ADGRA3: variants seen among roughly 807,000 people sequenced by gnomAD.
The protein encoded by ADGRA3 is adhesion G protein-coupled receptor A3, also known as G-protein coupled receptor 125.
ADGRA3 carries 56 observed loss-of-function variants against 119.8 expected under a neutral mutation model. That is an observed-to-expected ratio of 0.47 (90% CI 0.38 to 0.58). The LOEUF (loss-of-function observed/expected upper bound fraction) is 0.58, where lower values mean the gene tolerates loss of function less well. Ranked by LOEUF, ADGRA3 falls within the 20% of genes least tolerant of loss-of-function variation. ADGRA3 has a pLI of 0.00. For synonymous variants in ADGRA3, 607 were observed against 623.8 expected, an observed-to-expected ratio of 0.97 and a Z score of 0.40; for missense variants, 1,516 against 1,649.0, an observed-to-expected ratio of 0.92 and a Z score of 1.40.
In ADGRA3 at chr4:22,461,788, A is replaced by C. The variant is rs1404795712; in HGVS notation, c.350T>G (p.Ile117Ser). The C allele has an allele frequency of 5.6e-6, 9 of 1,606,972 alleles. No individual in the cohort carries two copies. Among genetic ancestry groups the C allele is most frequent in the African/African-American group, 1.3e-5 (1 of 74,734 alleles). Residue 117 changes from isoleucine to serine, a missense_variant, in exon 3 of 19, where the codon ATT (isoleucine) becomes AGT (serine). Ile to Ser is a moderately radical substitution (Grantham distance 142). Around this residue, in one of 2 missense-constraint regions of ADGRA3, gnomAD observed 428 missense variants for 541.9 expected, o/e 0.79. Transcript: ENST00000334304. The part of the protein sequence containing the change: ...LERLDLRNNL[I>S]SSIDPGAFWG... Reference sequence around the variant, plus strand: ...GAAGGCACCTGGATCTATACTACTAATAAGATTGTTTCGGAGGTCCCTGTT... The same window carrying C: ...GAAGGCACCTGGATCTATACTACTACTAAGATTGTTTCGGAGGTCCCTGTT...
intron 1 of ADGRA3, among the ~76,000 whole-genome samples, chr4:22,485,542 CCT>C (rs1718408163): frequency 6.6e-6 from 1 of 152,146 alleles, no homozygotes; most frequent in Admixed American, 6.5e-5. Context: ...GGTTTGGTGG[CCT>C]CTCATTCTGT....
intron 1 of ADGRA3, among the ~76,000 whole-genome samples, chr4:22,503,502 C>G (rs543653745): frequency 6.6e-6 from 1 of 152,330 alleles, no homozygotes; most frequent in East Asian, 1.9e-4. Flanking sequence ...AGTTATATCT[C>G]CATACTTGCT....
At chr4:22,473,873 C>G (rs745552052) in intron 1 of ADGRA3, 30 bp from the exon 2 acceptor site, 1 of 1,349,896 alleles carries the variant, frequency 7.4e-7, no homozygotes, top group South Asian at 1.2e-5. Flanking sequence ...TAATAAGTTG[C>G]CTAATATACA....
Position 22,473,862 on chromosome 4 carries a change from AT to A in ADGRA3, c.258-20del, listed in dbSNP as rs758456146. On this transcript the variant is annotated intron_variant, in intron 1 of 18. Coordinates refer to ENST00000334304, the MANE Select transcript of ADGRA3 (RefSeq NM_145290.4). ...CAGAATCCTAAAAAATACCAAAAAA[AT>A]AATAAGTTGCCTAATATACACTACC... is the stretch of plus-strand genomic sequence containing the variant. The A allele has an allele frequency of 5.7e-5, 86 of 1,513,278 alleles. No homozygotes were observed. Among genetic ancestry groups the A allele is most frequent in the Non-Finnish European group, 7.5e-5 (82 of 1,094,402 alleles). The allele number at this position is 1,513,278 out of a possible 1,614,324, so 93.7% of individuals were successfully genotyped here. A position where few individuals can be genotyped will look rare whatever the true frequency, so the allele number is the denominator to read the frequency against.
chr4:22,471,245 A>AG (rs1717849663), intron 2 of ADGRA3, among the ~76,000 whole-genome samples: 1 of 152,002 alleles, frequency 6.6e-6, no homozygotes. Context: ...CCCACTTATA[A>AG]GGGGGAGCTA....
chr4:22,412,729 A>C (rs983475841), intron 14 of ADGRA3, among the ~76,000 whole-genome samples: 24 of 152,216 alleles, frequency 1.6e-4, no homozygotes, highest in African/African-American at 5.8e-4. Flanking sequence ...ACAAAAATGA[A>C]ATTATCATGA....
At chr4:22,406,703 C>T (rs1233079079) in intron 14 of ADGRA3, among the ~76,000 whole-genome samples, 1 of 152,016 alleles carries the variant, frequency 6.6e-6, no homozygotes, top group Non-Finnish European at 1.5e-5. Flanking sequence ...ATTAATCCCA[C>T]AAGAGCATTT....
rs555248529 is a variant in ADGRA3, at chr4:22,387,573, C to T, written c.*132G>A. ...TTTGGGGATAAAAATAAGTAAAATC[C>T]AAAACTTCAAAGTTTATTCCAAATT... On this transcript the variant is annotated 3_prime_UTR_variant, in exon 19 of 19. Coordinates refer to ENST00000334304, the MANE Select transcript of ADGRA3 (RefSeq NM_145290.4). 3 of 874,684 alleles carry T rather than the reference C, an allele frequency of 3.4e-6. No homozygotes were observed. Among genetic ancestry groups the T allele is most frequent in the South Asian group, 7.2e-5 (2 of 27,818 alleles). 54.2% of individuals were successfully genotyped at this position (874,684 alleles called of 1,614,324 possible).
intron 7 of ADGRA3, 133 bp from the exon 8 acceptor site, chr4:22,438,553 T>C (rs1031227652): frequency 4.4e-6 from 3 of 682,690 alleles, no homozygotes; most frequent in Non-Finnish European, 7.2e-6. Flanking sequence ...TATATAAAAA[T>C]GAATTTAAAA....
At chr4:22,445,748 C>T (rs1197549502) in intron 5 of ADGRA3, among the ~76,000 whole-genome samples, 2 of 152,084 alleles carry the variant, frequency 1.3e-5, no homozygotes, top group Non-Finnish European at 2.9e-5. Flanking sequence ...AAAGACCCAA[C>T]AAATCAAAAG....
intron 17 of ADGRA3, among the ~76,000 whole-genome samples, chr4:22,392,311 G>A (rs1417982056): frequency 6.6e-6 from 1 of 152,156 alleles, no homozygotes; most frequent in Non-Finnish European, 1.5e-5. Context: ...ACAACTCGAG[G>A]ATGGGAGAAT....
Position 22,388,114 on chromosome 4 carries a change from A to C in ADGRA3, c.3557T>G (p.Val1186Gly). 1 of 1,614,032 alleles carries C rather than the reference A, an allele frequency of 6.2e-7. No individual in the cohort carries two copies. Among genetic ancestry groups the C allele is most frequent in the Non-Finnish European group, 8.5e-7 (1 of 1,179,962 alleles). ...SKGHRASRLT[V>G]LREYAYDVPT... The stretch of plus-strand genomic sequence containing the variant: ...GACATCGTAGGCATATTCTCTCAGG[A>C]CTGTGAGTCGGCTTGCCCGGTGTCC... The change falls in exon 19 of 19, where the codon GTC (valine) becomes GGC (glycine). Residue 1186 changes from valine to glycine, a missense_variant. By Grantham distance (109) the Val-to-Gly change is moderately radical. Transcript: ENST00000334304.
At chr4:22,514,203 A>T (rs1373808299) in intron 1 of ADGRA3, among the ~76,000 whole-genome samples, 2 of 152,030 alleles carry the variant, frequency 1.3e-5, no homozygotes, top group African/African-American at 4.8e-5. Flanking sequence ...GATTTTCTCC[A>T]TTTGGACTGT....
chr4:22,395,794 C>T (rs1022899811), intron 16 of ADGRA3, among the ~76,000 whole-genome samples: 3 of 152,052 alleles, frequency 2.0e-5, no homozygotes, highest in African/African-American at 7.2e-5. Context: ...ATAAAATACA[C>T]AAAGAAAAAC....
Position 22,510,289 on chromosome 4 carries a change from C to T in ADGRA3, c.257+5239G>A, listed in dbSNP as rs77995409. ...ACCTGTGATGCATGGACACTGCTCA[C>T]GGAGGGCACCAGACTCCTGGCCATC... is the stretch of plus-strand genomic sequence containing the variant. On this transcript the variant is annotated intron_variant, in intron 1 of 18. Transcript: ENST00000334304. 1.6e-3 allele frequency among the ~76,000 whole-genome samples: 241 copies of T among 152,242 alleles called. 1 individual carries two copies. The highest frequency in any genetic ancestry group is 6.8e-3 in the Middle Eastern group (2 of 292).
rs756680794 is a variant in ADGRA3 at position 22,389,184 on chromosome 4, C to T, written c.2628-1G>A. The T allele has an allele frequency of 6.2e-7, 1 of 1,606,196 alleles. No individual in the cohort carries two copies. The highest frequency in any genetic ancestry group is 2.2e-5 in the East Asian group (1 of 44,810). ...GATACCACCACCAATCAGGTAAAAT[C>T]TAGAAGGAGGAATCACAGGAAAAAC... On this transcript the variant is annotated splice_acceptor_variant, in intron 17 of 18. Coordinates refer to ENST00000334304, the MANE Select transcript of ADGRA3 (RefSeq NM_145290.4). LOFTEE classifies it high-confidence loss of function.
chr4:22,490,890 G>T (rs1009390159), intron 1 of ADGRA3, among the ~76,000 whole-genome samples: 16 of 152,160 alleles, frequency 1.1e-4, no homozygotes, highest in Admixed American at 6.5e-5. Context: ...AGCTCTGTAG[G>T]TCGGAAGTCC....
chr4:22,486,059 T>C (rs1205165096), intron 1 of ADGRA3, among the ~76,000 whole-genome samples: 1 of 152,250 alleles, frequency 6.6e-6, no homozygotes, highest in Non-Finnish European at 1.5e-5. Flanking sequence ...GGGTTGTAAG[T>C]TCCTACTTCC....
intron 4 of ADGRA3, 31 bp downstream of exon 4, chr4:22,454,835 T>A: frequency 6.5e-7 from 1 of 1,542,122 alleles, no homozygotes; most frequent in African/African-American, 1.4e-5. Context: ...TGCTTCCTTA[T>A]CTTTTAATGG....
Sources: allele counts gnomAD v4.1 joint callset (sites outside exome capture counted in the v4.1 genomes callset), GRCh38; gene constraint gnomAD v4.1.1; regional missense constraint gnomAD v4.1.1; transcripts MANE v1.5; gene names NCBI Gene and HGNC (gene_info 2026-07-23, HGNC 2026-07-21).